Variants in MBD5 observed in about 807,000 individuals in gnomAD.
The protein encoded by MBD5 is methyl-CpG binding domain protein 5, also known as methyl-CpG-binding domain protein 5.
In MBD5, 13 loss-of-function variants were observed where a neutral mutation model predicts 117.3. The ratio of observed to expected loss-of-function variants is 0.11; its 90% CI spans 0.07 to 0.18. The LOEUF (loss-of-function observed/expected upper bound fraction) is 0.18, where lower values mean the gene tolerates loss of function less well. Among genes scored for constraint, MBD5 ranks in the 10% least tolerant of loss-of-function variants. The pLI, the probability that MBD5 is intolerant of heterozygous loss-of-function variation, is 1.00. For synonymous variants in MBD5, 727 were observed against 766.4 expected (o/e 0.95, Z 0.85); for missense variants, 1,879 against 2,093.8 (o/e 0.90, Z 2.00).
intron 3 of MBD5, among the ~76,000 whole-genome samples, chr2:148,301,272 A>T (rs1018691622): frequency 5.9e-5 from 9 of 152,214 alleles, no homozygotes; most frequent in Non-Finnish European, 1.3e-4. Context: ...ACCAGGGACT[A>T]AAGGGACAGT....
intron 2 of MBD5, among the ~76,000 whole-genome samples, chr2:148,231,776 A>T (rs116021184): frequency 9.7e-4 from 148 of 152,308 alleles, no homozygotes; most frequent in African/African-American, 1.7e-3. Flanking sequence ...TAATTATAGT[A>T]TATGTACTAT....
intron 1 of MBD5, among the ~76,000 whole-genome samples, chr2:148,091,132 C>A (rs1337999028): frequency 6.6e-6 from 1 of 151,956 alleles, no homozygotes; most frequent in Non-Finnish European, 1.5e-5. Flanking sequence ...TACAAGGAAA[C>A]AAAACACTGC....
chr2:148,406,376 A>C, intron 4 of MBD5, among the ~76,000 whole-genome samples: 1 of 152,198 alleles, frequency 6.6e-6, no homozygotes, highest in East Asian at 1.9e-4. Flanking sequence ...TATTGGTCAG[A>C]GTTAACTACA....
intron 3 of MBD5, among the ~76,000 whole-genome samples, chr2:148,259,590 A>G (rs7573171): frequency 0.95 from 144,068 of 152,226 alleles, 68,661 homozygotes; most frequent in East Asian, 1. Context: ...GGTGAGTGGC[A>G]GGTAGCAGGA....
rs144557654 is a variant in MBD5 at position 148,483,143 on chromosome 2, C to A, written c.2552C>A (p.Ala851Glu). The A allele has an allele frequency of 3.7e-6, 6 of 1,612,070 alleles. No homozygotes were observed. The highest frequency in any genetic ancestry group is 1.3e-5 in the African/African-American group (1 of 74,454). The change falls in exon 9 of 14, where the codon GCG becomes GAG. Residue 851 changes from alanine (A) to glutamate (E), a missense_variant. By Grantham distance (107) the Ala-to-Glu change is moderately radical. Coordinates refer to ENST00000642680, the MANE Select transcript of MBD5 (RefSeq NM_001378120.1). ...GGACCATCATCCTCCATAGCCATAG[C>A]GGGCACCAACCACCCTGCCATCACA... is the stretch of plus-strand genomic sequence containing the variant. Reference protein sequence around the residue: ...GSGPSSSIAIAGTNHPAITKT... With the variant: ...GSGPSSSIAIEGTNHPAITKT...
chr2:148,362,531 C>G (rs1703572474), intron 4 of MBD5, among the ~76,000 whole-genome samples: 2 of 152,132 alleles, frequency 1.3e-5, no homozygotes, highest in African/African-American at 4.8e-5. Flanking sequence ...GACAGAGCAC[C>G]AGGGGAAAGG....
intron 2 of MBD5, among the ~76,000 whole-genome samples, chr2:148,186,320 C>G (rs1003851052): frequency 6.6e-6 from 1 of 152,188 alleles, no homozygotes; most frequent in African/African-American, 2.4e-5. Flanking sequence ...GTGAGGCCTC[C>G]CCAGCCATGT....
At chr2:148,438,487 G>A (rs1017067671) in intron 4 of MBD5, among the ~76,000 whole-genome samples, 1 of 152,112 alleles carries the variant, frequency 6.6e-6, no homozygotes, top group African/African-American at 2.4e-5. Flanking sequence ...TTTTGCAACA[G>A]AACAATTTCA....
intron 1 of MBD5, among the ~76,000 whole-genome samples, chr2:148,050,095 T>C (rs1183714172): frequency 6.6e-5 from 10 of 152,178 alleles, no homozygotes; most frequent in African/African-American, 2.2e-4. Flanking sequence ...TCATGGTGAC[T>C]CTATGTTTAA....
At chr2:148,213,860 G>T in intron 2 of MBD5, among the ~76,000 whole-genome samples, 1 of 151,556 alleles carries the variant, frequency 6.6e-6, no homozygotes. Flanking sequence ...TCTGTCTTTA[G>T]CCAGCAATCT....
intron 4 of MBD5, among the ~76,000 whole-genome samples, chr2:148,401,700 T>C (rs536840353): frequency 6.1e-4 from 93 of 152,290 alleles, no homozygotes; most frequent in African/African-American, 2.1e-3. Context: ...ATAATCTAAT[T>C]ATCAAAACTA....
chr2:148,161,083 G>T (rs1456348108), intron 1 of MBD5, among the ~76,000 whole-genome samples: 1 of 152,052 alleles, frequency 6.6e-6, no homozygotes, highest in Non-Finnish European at 1.5e-5. Flanking sequence ...TACAAATATT[G>T]GTCCTGGTAC....
chr2:148,468,593 G>A lies in MBD5; in HGVS notation c.650G>A (p.Ser217Asn). The change falls in exon 8 of 14, where the codon AGC becomes AAC. Residue 217 changes from serine (S) to asparagine (N), a missense_variant. By Grantham distance (46) the Ser-to-Asn change is conservative. This residue lies in a region of MBD5 where 1,666 missense variants were observed against 1,792.2 expected (regional missense o/e 0.93). Coordinates refer to ENST00000642680, the MANE Select transcript of MBD5 (RefSeq NM_001378120.1). ...EHGQKSPFRG[S>N]HGGLPSPASS... The stretch of plus-strand genomic sequence containing the variant: ...GGACAGAAATCTCCATTCCGTGGCA[G>A]CCATGGAGGCCTGCCCAGCCCAGCG... 6.2e-7 allele frequency: 1 copy of A among 1,613,884 alleles called. No individual in the cohort carries two copies. The highest frequency in any genetic ancestry group is 8.5e-7 in the Non-Finnish European group (1 of 1,179,882).
chr2:148,245,907 G>A (rs1165767774), intron 3 of MBD5, among the ~76,000 whole-genome samples: 1 of 152,066 alleles, frequency 6.6e-6, no homozygotes, highest in African/African-American at 2.4e-5. Context: ...GGAGAATTTG[G>A]GCAAGTTTAC....
intron 1 of MBD5, among the ~76,000 whole-genome samples, chr2:148,145,773 C>T (rs1697442842): frequency 6.6e-6 from 1 of 152,158 alleles, no homozygotes; most frequent in East Asian, 1.9e-4. Context: ...TATGTCGAAC[C>T]AGCCTTGCAT....
chr2:148,053,424 T>C (rs536443340), intron 1 of MBD5, among the ~76,000 whole-genome samples: 10 of 152,128 alleles, frequency 6.6e-5, no homozygotes, highest in Non-Finnish European at 1.3e-4. Context: ...TAAATATCTA[T>C]GAACCTGTAA....
chr2:148,101,155 C>T (rs181679386), intron 1 of MBD5, among the ~76,000 whole-genome samples: 5 of 152,034 alleles, frequency 3.3e-5, no homozygotes, highest in East Asian at 1.9e-4. Flanking sequence ...CGGAAAGAAA[C>T]CTAAAACTGG....
At chr2:148,038,922 C>T (rs1369362018) in intron 1 of MBD5, among the ~76,000 whole-genome samples, 3 of 151,880 alleles carry the variant, frequency 2.0e-5, no homozygotes, top group Non-Finnish European at 2.9e-5. Context: ...CAGCAAAGCA[C>T]AATTATAGGA....
chr2:148,143,319 C>G (rs1697363107), intron 1 of MBD5, among the ~76,000 whole-genome samples: 1 of 151,838 alleles, frequency 6.6e-6, no homozygotes, highest in Admixed American at 6.6e-5. Flanking sequence ...TAGGCTAGTC[C>G]CAGAGAAAAA....
Sources: allele counts gnomAD v4.1 joint callset (sites outside exome capture counted in the v4.1 genomes callset), GRCh38; gene constraint gnomAD v4.1.1; regional missense constraint gnomAD v4.1.1; transcripts MANE v1.5; gene names NCBI Gene and HGNC (gene_info 2026-07-23, HGNC 2026-07-21).